FRYL: variants seen among roughly 807,000 people sequenced by gnomAD.
The protein encoded by FRYL is protein furry homolog-like.
A neutral mutation model predicts 351.2 loss-of-function variants in FRYL; 150 were observed. That is an observed-to-expected ratio of 0.43 (90% confidence interval 0.37 to 0.49). The LOEUF (loss-of-function observed/expected upper bound fraction) is 0.49. Among genes scored for constraint, FRYL ranks in the 20% least tolerant of loss-of-function variants. The pLI is 0.00. For synonymous variants in FRYL, 1,153 were observed against 1,257.1 expected (o/e 0.92, Z 1.75); for missense variants, 3,036 against 3,619.3 (o/e 0.84, Z 4.13).
At chr4:48,534,046 G>A (rs372269107) in intron 49 of FRYL, among the ~76,000 whole-genome samples, 2 of 152,126 alleles carry the variant, frequency 1.3e-5, no homozygotes, top group South Asian at 2.1e-4. Flanking sequence ...GGCCAACATG[G>A]TGAAACCTAT....
At chr4:48,744,162 T>C (rs1772420111) in intron 1 of FRYL, among the ~76,000 whole-genome samples, 1 of 151,920 alleles carries the variant, frequency 6.6e-6, no homozygotes, top group Non-Finnish European at 1.5e-5. Flanking sequence ...AGGGGGGTGA[T>C]TGCTAATGGG....
At chr4:48,716,993 A>G (rs1041529772) in intron 1 of FRYL, among the ~76,000 whole-genome samples, 3 of 150,930 alleles carry the variant, frequency 2.0e-5, no homozygotes, top group African/African-American at 7.3e-5. Flanking sequence ...GAAATTGGAA[A>G]TCATCATTCT....
intron 37 of FRYL, among the ~76,000 whole-genome samples, chr4:48,550,933 G>A (rs1732597234): frequency 6.6e-6 from 1 of 152,040 alleles, no homozygotes; most frequent in South Asian, 2.1e-4. Context: ...TTAGCCGAGC[G>A]TGGTGACGTG....
intron 56 of FRYL, among the ~76,000 whole-genome samples, chr4:48,513,583 A>G (rs1722929504): frequency 6.6e-6 from 1 of 152,238 alleles, no homozygotes; most frequent in Non-Finnish European, 1.5e-5. Flanking sequence ...GTTTCGCATT[A>G]CAAGCTAGTT....
At chr4:48,630,797 T>G (rs1752824959) in intron 4 of FRYL, among the ~76,000 whole-genome samples, 1 of 152,198 alleles carries the variant, frequency 6.6e-6, no homozygotes, top group African/African-American at 2.4e-5. Context: ...TAGATTAAAT[T>G]CTTTCAGCAA....
At chr4:48,675,543 G>A (rs894562437) in intron 3 of FRYL, among the ~76,000 whole-genome samples, 17 of 152,236 alleles carry the variant, frequency 1.1e-4, no homozygotes, top group Non-Finnish European at 2.4e-4. Context: ...CCAGCGCTGC[G>A]CTCGATTTCT....
intron 38 of FRYL, among the ~76,000 whole-genome samples, chr4:48,550,208 C>G (rs941709729): frequency 6.6e-6 from 1 of 152,110 alleles, no homozygotes; most frequent in Admixed American, 6.5e-5. Flanking sequence ...CCTGCCTTAA[C>G]GTTATAGTGA....
chr4:48,556,893 G>T, intron 35 of FRYL, 85 bp downstream of exon 35: 2 of 1,265,762 alleles, frequency 1.6e-6, no homozygotes, highest in African/African-American at 1.5e-5. Context: ...GCCTCTCCTG[G>T]GCAACTGCTG....
intron 18 of FRYL, among the ~76,000 whole-genome samples, chr4:48,587,835 G>C (rs185417182): frequency 6.6e-6 from 1 of 152,032 alleles, no homozygotes; most frequent in Non-Finnish European, 1.5e-5. Flanking sequence ...ATGAGTCACC[G>C]CGCCTGGCCT....
At chr4:48,765,744 C>T (rs1774881553) in intron 1 of FRYL, among the ~76,000 whole-genome samples, 1 of 151,836 alleles carries the variant, frequency 6.6e-6, no homozygotes, top group Non-Finnish European at 1.5e-5. Context: ...GACCATATAT[C>T]CAAAAAGAGG....
chr4:48,726,743 A>C (rs918443753), intron 1 of FRYL, among the ~76,000 whole-genome samples: 1 of 152,142 alleles, frequency 6.6e-6, no homozygotes, highest in Non-Finnish European at 1.5e-5. Context: ...TGGGCTCTGA[A>C]CCTCTCTCTT....
At chr4:48,540,234 A>G in intron 46 of FRYL, 119 bp downstream of exon 46, 1 of 1,239,874 alleles carries the variant, frequency 8.1e-7, no homozygotes, top group East Asian at 2.5e-5. Context: ...TAAGCTACCT[A>G]GCGTATAAAA....
chr4:48,535,941 T>C (rs1728781667), intron 47 of FRYL, 114 bp from the exon 48 acceptor site: 1 of 807,262 alleles, frequency 1.2e-6, no homozygotes, highest in Non-Finnish European at 1.8e-6. Context: ...TTGGTTTTAA[T>C]GCATTTTACT....
intron 62 of FRYL, 129 bp downstream of exon 62, chr4:48,501,494 T>G (rs1719645157): frequency 3.1e-6 from 2 of 651,474 alleles, no homozygotes; most frequent in African/African-American, 1.9e-5. Context: ...AAACAAATTA[T>G]TCCTTAACTA....
At chr4:48,630,374 A>AT (rs1217775706) in intron 4 of FRYL, among the ~76,000 whole-genome samples, 3 of 152,182 alleles carry the variant, frequency 2.0e-5, no homozygotes, top group Admixed American at 2.0e-4. Context: ...ACATACATAT[A>AT]TTTATACTCT....
At chr4:48,703,843 C>A (rs1485041527) in intron 2 of FRYL, among the ~76,000 whole-genome samples, 1 of 151,950 alleles carries the variant, frequency 6.6e-6, no homozygotes. Context: ...TACTTGAAAC[C>A]CGATAGGTAC....
At position 48,579,100 on chromosome 4, in the gene FRYL, A is replaced by G; in HGVS notation, c.2401T>C (p.Trp801Arg). ...AAAAAACTGGAGAGACTTATAATCC[A>G]TGGGTCTTGGCCTTGGGTCACATGT... Reference protein sequence around the residue: ...FAHVTQGQDPWIISLSSFLKQ... With the variant: ...FAHVTQGQDPRIISLSSFLKQ... Residue 801 changes from tryptophan to arginine, a missense_variant, in exon 23 of 64, where the codon TGG becomes CGG. Around this residue, in one of 7 missense-constraint regions of FRYL, gnomAD observed 492 missense variants for 551.5 expected, o/e 0.89. Coordinates refer to ENST00000358350, the MANE Select transcript of FRYL (RefSeq NM_015030.2). 1.2e-6 allele frequency: 2 copies of G among 1,614,064 alleles called. No homozygotes were observed. The highest frequency in any genetic ancestry group is 1.7e-6 in the Non-Finnish European group (2 of 1,179,954).
At chr4:48,671,217 TAAAAAGATA>T (rs1762608927) in intron 3 of FRYL, among the ~76,000 whole-genome samples, 1 of 152,154 alleles carries the variant, frequency 6.6e-6, no homozygotes, top group Admixed American at 6.5e-5. Flanking sequence ...TTAAGCACCT[TAAAAAGATA>T]CTTAAGAAGT....
chr4:48,755,078 T>C (rs1367770348), intron 1 of FRYL, among the ~76,000 whole-genome samples: 1 of 152,176 alleles, frequency 6.6e-6, no homozygotes, highest in Non-Finnish European at 1.5e-5. Flanking sequence ...TCTATTAGTC[T>C]AGACTATGAT....
Sources: allele counts gnomAD v4.1 joint callset (sites outside exome capture counted in the v4.1 genomes callset), GRCh38; gene constraint gnomAD v4.1.1; regional missense constraint gnomAD v4.1.1; transcripts MANE v1.5; gene names NCBI Gene and HGNC (gene_info 2026-07-23, HGNC 2026-07-21).